PCDHGB2: variants seen among roughly 807,000 people sequenced by gnomAD.
The protein encoded by PCDHGB2 is protocadherin gamma-B2.
Under a neutral mutation model 59.3 loss-of-function variants are expected in PCDHGB2, and 55 were observed. The ratio of observed to expected loss-of-function variants is 0.93; its 90% CI spans 0.75 to 1.16. The LOEUF is 1.16. Among genes scored for constraint, PCDHGB2 ranks in the 50% most tolerant of loss-of-function variants. The probability of loss-of-function intolerance (pLI) is 0.00; values close to 1 mark genes in which losing one functional copy is unlikely to be tolerated. For synonymous variants in PCDHGB2, 516 were observed against 512.0 expected, an observed-to-expected ratio of 1.01 and a Z score of -0.11; for missense variants, 1,228 against 1,198.5, an observed-to-expected ratio of 1.02 and a Z score of -0.36.
intron 1 of PCDHGB2, chr5:141,398,010 G>T (rs10045443): frequency 0.24 from 331,899 of 1,407,782 alleles, 42,930 homozygotes; most frequent in African/African-American, 0.51. Flanking sequence ...AAAAAGAATC[G>T]TTTCCTAAAC....
chr5:141,415,502 A>T, intron 1 of PCDHGB2: 1 of 1,614,204 alleles, frequency 6.2e-7, no homozygotes, highest in African/African-American at 1.3e-5. Flanking sequence ...ATCTTCCCCC[A>T]GCCCAATTAT....
chr5:141,375,205 A>G (rs1771239671), intron 1 of PCDHGB2: 3 of 1,614,000 alleles, frequency 1.9e-6, no homozygotes, highest in Non-Finnish European at 1.7e-6. Flanking sequence ...TGTTCGATCG[A>G]GACTCTGGCC....
intron 1 of PCDHGB2, among the ~76,000 whole-genome samples, chr5:141,494,341 G>C (rs565090556): frequency 9.2e-5 from 14 of 152,352 alleles, no homozygotes; most frequent in Admixed American, 9.1e-4. Context: ...ACCAAGAACA[G>C]CAGCCATCTT....
intron 1 of PCDHGB2, chr5:141,478,544 C>G (rs1371505487): frequency 6.2e-7 from 1 of 1,605,660 alleles, no homozygotes; most frequent in Admixed American, 1.7e-5. Flanking sequence ...CCCTCCCGGA[C>G]AGGTAAGGTT....
At chr5:141,498,991 AG>A (rs1449718352) in intron 2 of PCDHGB2, among the ~76,000 whole-genome samples, 8 of 144,362 alleles carry the variant, frequency 5.5e-5, no homozygotes, top group Non-Finnish European at 1.0e-4. Context: ...GAAGGAAGGA[AG>A]GAAGGAAGGA....
At position 141,388,901 on chromosome 5, in the gene PCDHGB2, T is replaced by G. The variant is rs776637275; in HGVS notation, c.2421+26345T>G. The G allele has an allele frequency of 2.5e-6, 4 of 1,613,722 alleles. No homozygotes were observed. The African/African-American group carries it at 5.3e-5, about 22-fold the overall frequency. On this transcript the variant is annotated intron_variant, in intron 1 of 3. Coordinates refer to ENST00000522605, the MANE Select transcript of PCDHGB2 (RefSeq NM_018923.3). ...TGGAGGTAGAAGTCATAGATGAAAA[T>G]GACAACGCCCCAGAAGTGATATTCC...
Position 141,361,906 on chromosome 5 carries a change from G to T in PCDHGB2, c.1771G>T (p.Val591Leu). The T allele has an allele frequency of 1.9e-6, 3 of 1,609,144 alleles. No individual in the cohort carries two copies. The highest frequency in any genetic ancestry group is 2.5e-6 in the Non-Finnish European group (3 of 1,179,222). ...AAEPGYLVTK[V>L]VAVDADSGHN... ...AGAGCCCGGCTACCTGGTGACCAAG[G>T]TGGTGGCGGTGGACGCAGACTCAGG... Residue 591 changes from valine (V) to leucine (L), a missense_variant, in exon 1 of 4, where the codon GTG (valine) becomes TTG (leucine). Around this residue, in one of 3 missense-constraint regions of PCDHGB2, gnomAD observed 14 missense variants for 35.2 expected, o/e 0.40. Coordinates refer to ENST00000522605, the MANE Select transcript of PCDHGB2 (RefSeq NM_018923.3).
At chr5:141,387,439 A>G (rs1437445923) in intron 1 of PCDHGB2, among the ~76,000 whole-genome samples, 2 of 152,248 alleles carry the variant, frequency 1.3e-5, no homozygotes, top group African/African-American at 4.8e-5. Context: ...TTATGTACTT[A>G]ATCTACATGA....
At position 141,361,920 on chromosome 5, in the gene PCDHGB2, C is replaced by G; in HGVS notation, c.1785C>G (p.Asp595Glu). ...GYLVTKVVAV[D>E]ADSGHNAWLS... ...TGGTGACCAAGGTGGTGGCGGTGGACGCAGACTCAGGACACAACGCTTGGC... is the reference window on the plus strand; with the variant it reads ...TGGTGACCAAGGTGGTGGCGGTGGAGGCAGACTCAGGACACAACGCTTGGC... Residue 595 changes from aspartate (D) to glutamate (E), a missense_variant, in exon 1 of 4, where the codon GAC (aspartate) becomes GAG (glutamate). Physicochemically the swap from Asp to Glu is conservative, Grantham distance 45 (BLOSUM62 2). This residue lies in a region of PCDHGB2 where 433 missense variants were observed against 441.8 expected (regional missense o/e 0.98). Coordinates refer to ENST00000522605, the MANE Select transcript of PCDHGB2 (RefSeq NM_018923.3). 1.2e-6 allele frequency: 2 copies of G among 1,608,060 alleles called. No homozygotes were observed. The highest frequency in any genetic ancestry group is 4.2e-4 in the Middle Eastern group (2 of 4,818).
intron 1 of PCDHGB2, chr5:141,408,708 A>G (rs773303576): frequency 6.2e-6 from 10 of 1,612,888 alleles, no homozygotes; most frequent in Non-Finnish European, 8.5e-6. Flanking sequence ...TCAATTAAAG[A>G]TTATAAGATA....
intron 1 of PCDHGB2, chr5:141,409,926 T>G: frequency 6.2e-7 from 1 of 1,613,344 alleles, no homozygotes; most frequent in Non-Finnish European, 8.5e-7. Flanking sequence ...TCCGCGTTCT[T>G]CGATATGGTA....
chr5:141,489,594 T>A lies in PCDHGB2; in HGVS notation c.2422-5213T>A. The A allele has an allele frequency of 2.5e-6, 4 of 1,614,076 alleles. No homozygotes were observed. Among genetic ancestry groups the A allele is most frequent in the Non-Finnish European group, 3.4e-6 (4 of 1,179,982 alleles). ...CTGAACACCCCCTGGAGCTAATCCG[T>A]GTAGAGGTAGAGATCCTGGATCTCA... On this transcript the variant is annotated intron_variant, in intron 1 of 3. Coordinates refer to ENST00000522605, the MANE Select transcript of PCDHGB2 (RefSeq NM_018923.3). This position sits in a 1 kb window ranked among gnomAD's most constrained non-coding sequence, Gnocchi z 4.5.
intron 1 of PCDHGB2, among the ~76,000 whole-genome samples, chr5:141,488,351 C>G (rs1467834410): frequency 6.6e-6 from 1 of 152,132 alleles, no homozygotes; most frequent in African/African-American, 2.4e-5. Context: ...AAACAGCCAC[C>G]CTGTGCATCT....
chr5:141,506,506 C>T (rs1279198463), intron 3 of PCDHGB2, among the ~76,000 whole-genome samples: 2 of 151,030 alleles, frequency 1.3e-5, no homozygotes. Context: ...GATTCAAATC[C>T]TGGCACCTGG....
chr5:141,374,951 C>G (rs780549456), intron 1 of PCDHGB2: 22 of 1,613,900 alleles, frequency 1.4e-5, no homozygotes, highest in Admixed American at 1.7e-5. Context: ...AAAGATCTCA[C>G]AAATTTTCTG....
At chr5:141,364,846 C>G (rs558676002) in intron 1 of PCDHGB2, 1 of 1,613,994 alleles carries the variant, frequency 6.2e-7, no homozygotes, top group South Asian at 1.1e-5. Context: ...GTTACCAGCT[C>G]AGCTCCAATC....
chr5:141,485,866 C>T lies in PCDHGB2; in HGVS notation c.2422-8941C>T. The T allele has an allele frequency of 2.5e-6, 4 of 1,614,144 alleles. No individual in the cohort carries two copies. Among genetic ancestry groups the T allele is most frequent in the Non-Finnish European group, 3.4e-6 (4 of 1,180,014 alleles). On this transcript the variant is annotated intron_variant, in intron 1 of 3. Coordinates refer to ENST00000522605, the MANE Select transcript of PCDHGB2 (RefSeq NM_018923.3). The surrounding 1 kb of genome is among the most constrained non-coding windows in gnomAD (Gnocchi z 5.7). ...CTGGCACCGCAGAGCTCCGGGTATCCGTGCTGGACGTAAACGACAACGCCC... is the reference window on the plus strand; with the variant it reads ...CTGGCACCGCAGAGCTCCGGGTATCTGTGCTGGACGTAAACGACAACGCCC...
intron 3 of PCDHGB2, among the ~76,000 whole-genome samples, chr5:141,509,429 T>G (rs2099876771): frequency 6.6e-6 from 1 of 151,964 alleles, no homozygotes; most frequent in Non-Finnish European, 1.5e-5. Context: ...TGAGTCAAAC[T>G]CTTGTTTCCT....
intron 1 of PCDHGB2, among the ~76,000 whole-genome samples, chr5:141,369,259 A>G (rs1009841286): frequency 6.6e-6 from 1 of 152,214 alleles, no homozygotes; most frequent in African/African-American, 2.4e-5. Flanking sequence ...TAATATAATT[A>G]TAAGGACTTA....
Sources: gnomAD v4.1 joint callset for allele counts (sites outside exome capture counted in the v4.1 genomes callset) on GRCh38, gnomAD v4.1.1 for gene constraint, gnomAD v4.1.1 regional missense constraint, Gnocchi (gnomAD v3.1) non-coding constraint, MANE v1.5 for transcripts, NCBI Gene and HGNC (gene_info 2026-07-23, HGNC 2026-07-21) for gene names.